TMEM132C: variants seen among roughly 807,000 people sequenced by gnomAD.
TMEM132C encodes transmembrane protein 132C.
TMEM132C carries 29 observed loss-of-function variants against 61.4 expected under a neutral mutation model. The observed-to-expected ratio is 0.47, with a 90% CI of 0.35 to 0.64. The LOEUF is 0.64. Ranked by LOEUF, TMEM132C falls within the 30% of genes least tolerant of loss-of-function variation. The probability of loss-of-function intolerance (pLI) is 0.00; values close to 1 mark genes in which losing one functional copy is unlikely to be tolerated. For missense variants in TMEM132C, 1,408 were observed against 1,476.9 expected (o/e 0.95, Z 0.76); for synonymous variants, 656 against 633.1 (o/e 1.04, Z -0.54).
intron 2 of TMEM132C, among the ~76,000 whole-genome samples, chr12:128,508,426 G>A (rs146909626): frequency 0.013 from 1,958 of 152,224 alleles, 38 homozygotes; most frequent in African/African-American, 0.045. Context: ...CCTGCTCTAC[G>A]GCCCTCGAGA....
intron 1 of TMEM132C, among the ~76,000 whole-genome samples, chr12:128,318,447 G>A (rs1299337887): frequency 6.6e-6 from 1 of 152,158 alleles, no homozygotes; most frequent in African/African-American, 2.4e-5. Context: ...CTCCCCTAGA[G>A]GACTAATTTG....
intron 3 of TMEM132C, among the ~76,000 whole-genome samples, chr12:128,562,913 C>T (rs1184073057): frequency 6.6e-6 from 1 of 152,194 alleles, no homozygotes; most frequent in Non-Finnish European, 1.5e-5. Context: ...CTTGTGGCTC[C>T]ATCACCCCAA....
chr12:128,511,269 A>G (rs1345865876), intron 2 of TMEM132C, among the ~76,000 whole-genome samples: 3 of 152,172 alleles, frequency 2.0e-5, no homozygotes, highest in Non-Finnish European at 2.9e-5. Flanking sequence ...ATTTTCAGGC[A>G]CCTTCCATAA....
chr12:128,350,598 G>C (rs572541267), intron 1 of TMEM132C, among the ~76,000 whole-genome samples: 1 of 152,226 alleles, frequency 6.6e-6, no homozygotes, highest in South Asian at 2.1e-4. Context: ...GGAGCAGAGT[G>C]AGTGTGGGAA....
At chr12:128,596,377 G>C (rs180672792) in intron 3 of TMEM132C, among the ~76,000 whole-genome samples, 1 of 150,592 alleles carries the variant, frequency 6.6e-6, no homozygotes, top group East Asian at 2.0e-4. Context: ...CTGGTACAGA[G>C]TGGGCAGGGC....
chr12:128,356,660 A>G (rs1367667764), intron 1 of TMEM132C, among the ~76,000 whole-genome samples: 1 of 152,210 alleles, frequency 6.6e-6, no homozygotes, highest in Admixed American at 6.5e-5. Context: ...TCCTGCTTTC[A>G]TGGGAAAATC....
intron 2 of TMEM132C, among the ~76,000 whole-genome samples, chr12:128,485,915 C>G (rs970700088): frequency 7.9e-5 from 12 of 152,160 alleles, no homozygotes; most frequent in Admixed American, 3.3e-4. Context: ...CCTTTTGCGG[C>G]AGATGTATGT....
At chr12:128,458,598 G>A (rs1870428768) in intron 2 of TMEM132C, among the ~76,000 whole-genome samples, 1 of 152,066 alleles carries the variant, frequency 6.6e-6, no homozygotes, top group East Asian at 1.9e-4. Context: ...GGAGAAATGG[G>A]ACAGGAAGGG....
intron 2 of TMEM132C, among the ~76,000 whole-genome samples, chr12:128,493,910 G>A (rs1871842915): frequency 6.6e-6 from 1 of 152,142 alleles, no homozygotes; most frequent in African/African-American, 2.4e-5. Flanking sequence ...GTGAGAGAGG[G>A]CATCCCTGTC....
intron 1 of TMEM132C, among the ~76,000 whole-genome samples, chr12:128,388,076 A>G (rs1046164664): frequency 6.6e-6 from 1 of 152,226 alleles, no homozygotes; most frequent in African/African-American, 2.4e-5. Flanking sequence ...TATTTCACCC[A>G]GGGGATCCCT....
At chr12:128,315,495 T>C (rs559645864) in intron 1 of TMEM132C, among the ~76,000 whole-genome samples, 42 of 152,068 alleles carry the variant, frequency 2.8e-4, no homozygotes, top group Non-Finnish European at 4.6e-4. Context: ...AGGGTAACGA[T>C]AGCCTTTTCT....
At chr12:128,503,971 G>T (rs889762223) in intron 2 of TMEM132C, among the ~76,000 whole-genome samples, 1 of 152,236 alleles carries the variant, frequency 6.6e-6, no homozygotes, top group Admixed American at 6.5e-5. Context: ...TTTTGCAGTT[G>T]TGAACAGACA....
At chr12:128,586,028 C>T (rs12303196) in intron 3 of TMEM132C, among the ~76,000 whole-genome samples, 2,136 of 152,188 alleles carry the variant, frequency 0.014, 44 homozygotes, top group African/African-American at 0.049. Flanking sequence ...CCCCTAAAAA[C>T]GGTGCAGATC....
At chr12:128,594,361 G>GC (rs1315987751) in intron 3 of TMEM132C, among the ~76,000 whole-genome samples, 3 of 114,564 alleles carry the variant, frequency 2.6e-5, no homozygotes, top group Non-Finnish European at 3.6e-5. Flanking sequence ...CCCATCCCCT[G>GC]CCCCCCAACC....
At chr12:128,684,980 A>G (rs1954663088) in intron 5 of TMEM132C, among the ~76,000 whole-genome samples, 1 of 152,164 alleles carries the variant, frequency 6.6e-6, no homozygotes, top group Admixed American at 6.5e-5. Context: ...AACGAGAGGA[A>G]AGGGATTCTA....
intron 1 of TMEM132C, among the ~76,000 whole-genome samples, chr12:128,342,028 A>G (rs558659588): frequency 3.4e-5 from 5 of 147,556 alleles, no homozygotes; most frequent in African/African-American, 1.3e-4. Flanking sequence ...TTTTTCTTTG[A>G]GATGGAGTCT....
chr12:128,530,431 C>G (rs748595655), intron 2 of TMEM132C, among the ~76,000 whole-genome samples: 10 of 151,882 alleles, frequency 6.6e-5, no homozygotes, highest in Non-Finnish European at 1.5e-4. Flanking sequence ...AGCACACATC[C>G]AATAGCACTT....
chr12:128,519,408 A>G (rs1190658375), intron 2 of TMEM132C, among the ~76,000 whole-genome samples: 1 of 152,232 alleles, frequency 6.6e-6, no homozygotes, highest in Non-Finnish European at 1.5e-5. Context: ...TTTCATCCTT[A>G]CAGTGAAGGC....
At chr12:128,282,768 C>T (rs371246330) in intron 1 of TMEM132C, among the ~76,000 whole-genome samples, 23 of 152,240 alleles carry the variant, frequency 1.5e-4, no homozygotes, top group African/African-American at 4.6e-4. Flanking sequence ...TTTGACACTG[C>T]GGAAGCTTAC....
Sources: gnomAD v4.1 joint callset for allele counts (sites outside exome capture counted in the v4.1 genomes callset) on GRCh38, gnomAD v4.1.1 for gene constraint, MANE v1.5 for transcripts, NCBI Gene and HGNC (gene_info 2026-07-23, HGNC 2026-07-21) for gene names.